The following GALNT17 variants were observed in gnomAD, a reference collection of about 807,000 sequenced individuals.
GALNT17 encodes polypeptide N-acetylgalactosaminyltransferase 17.
Under a neutral mutation model 63.7 loss-of-function variants are expected in GALNT17, and 29 were observed. The ratio of observed to expected loss-of-function variants is 0.46; its 90% CI spans 0.34 to 0.62. The LOEUF is 0.62. Ranked by LOEUF, GALNT17 falls within the 20% of genes least tolerant of loss-of-function variation. GALNT17 has a pLI of 0.01. For missense variants in GALNT17, 603 were observed against 799.6 expected, an observed-to-expected ratio of 0.75 and a Z score of 2.97; for synonymous variants, 305 against 318.3, an observed-to-expected ratio of 0.96 and a Z score of 0.45.
chr7:71,613,384 C>T (rs1463772901), intron 6 of GALNT17, among the ~76,000 whole-genome samples: 2 of 152,108 alleles, frequency 1.3e-5, no homozygotes, highest in Admixed American at 1.3e-4. Flanking sequence ...AGGAATTGAC[C>T]GTTTGTCAGA....
chr7:71,407,409 C>T (rs1346233536), intron 3 of GALNT17, among the ~76,000 whole-genome samples: 1 of 152,086 alleles, frequency 6.6e-6, no homozygotes, highest in Admixed American at 6.6e-5. Context: ...AACCCCCTGG[C>T]CACAGAATAT....
chr7:71,365,161 G>A (rs1037433907), intron 2 of GALNT17, among the ~76,000 whole-genome samples: 2 of 152,158 alleles, frequency 1.3e-5, no homozygotes, highest in Non-Finnish European at 2.9e-5. Flanking sequence ...TCACACTCCT[G>A]ACCTAAAGTG....
intron 5 of GALNT17, among the ~76,000 whole-genome samples, chr7:71,441,454 T>TTTTTTC (rs1193111750): frequency 1.4e-4 from 21 of 152,282 alleles, no homozygotes; most frequent in African/African-American, 5.1e-4. Flanking sequence ...CTCCACAGTT[T>TTTTTTC]TTTTTCTTTT....
chr7:71,713,201 T>A lies in GALNT17; in HGVS notation c.*1055T>A, dbSNP rs927131857. 3 of 152,916 alleles carry A rather than the reference T, an allele frequency of 2.0e-5. No individual in the cohort carries two copies. Among genetic ancestry groups the A allele is most frequent in the Non-Finnish European group, 4.4e-5 (3 of 68,292 alleles). 9.5% of individuals were successfully genotyped at this position (152,916 alleles called of 1,614,324 possible). ...CACAAGTGTGTGTGTGCCTGCGTGC[T>A]GTGCGTGGCAGGGTGTGTGTGTGTG... is the stretch of plus-strand genomic sequence containing the variant. On this transcript the variant is annotated 3_prime_UTR_variant, in exon 11 of 11. Coordinates refer to ENST00000333538, the MANE Select transcript of GALNT17 (RefSeq NM_022479.3).
At chr7:71,149,860 A>G (rs56212584) in intron 1 of GALNT17, among the ~76,000 whole-genome samples, 10,052 of 152,106 alleles carry the variant, frequency 0.066, 425 homozygotes, top group Non-Finnish European at 0.098. Flanking sequence ...TTGTGTTTGT[A>G]TCATGGTGGC....
chr7:71,409,052 ATTTAAATATATC>A (rs1456195507), intron 3 of GALNT17, among the ~76,000 whole-genome samples: 11 of 151,088 alleles, frequency 7.3e-5, no homozygotes, highest in African/African-American at 2.7e-4. Context: ...ACACACACAC[ATTTAAATATATC>A]TATATTTTAA....
At chr7:71,414,580 A>G (rs183700980) in intron 3 of GALNT17, among the ~76,000 whole-genome samples, 4 of 152,172 alleles carry the variant, frequency 2.6e-5, no homozygotes, top group Admixed American at 2.6e-4. Context: ...AAGTCTCGCA[A>G]CTTCTTAACA....
In GALNT17 at chr7:71,652,084, GA is replaced by G. The variant is rs374935532; in HGVS notation, c.1081-13321del. 2.3e-3 allele frequency among the ~76,000 whole-genome samples: 345 copies of G among 152,106 alleles called. 1 individual carries two copies. The highest frequency in any genetic ancestry group is 8.0e-3 in the African/African-American group (334 of 41,536). ...AACAGCAACAAAAATCAAAAGAAAA[GA>G]AAAAAGTCCTCCCAGCCCTACTTCT... On this transcript the variant is annotated intron_variant, in intron 6 of 10. Coordinates refer to ENST00000333538, the MANE Select transcript of GALNT17 (RefSeq NM_022479.3).
At chr7:71,546,828 A>G (rs1788992697) in intron 5 of GALNT17, among the ~76,000 whole-genome samples, 1 of 152,162 alleles carries the variant, frequency 6.6e-6, no homozygotes, top group Non-Finnish European at 1.5e-5. Context: ...CCTGGAAGTC[A>G]TGGTACCACT....
Position 71,172,919 on chromosome 7 carries a change from T to C in GALNT17, c.238+39879T>C, listed in dbSNP as rs186599838. 1.6e-4 allele frequency among the ~76,000 whole-genome samples: 24 copies of C among 152,242 alleles called. No homozygotes were observed. In the East Asian group the frequency reaches 4.4e-3, roughly 28 times the overall value. ...AGAAGAGAGACTGTGGAAGAACTGA[T>C]GACAGGAACAGCAAAACTGAGAGAA... On this transcript the variant is annotated intron_variant, in intron 1 of 10. Coordinates refer to ENST00000333538, the MANE Select transcript of GALNT17 (RefSeq NM_022479.3).
intron 2 of GALNT17, among the ~76,000 whole-genome samples, chr7:71,381,846 C>G (rs1792852748): frequency 1.3e-5 from 2 of 152,144 alleles, no homozygotes; most frequent in South Asian, 4.1e-4. Context: ...TCCTTTGCAG[C>G]TGCATGAATG....
At chr7:71,148,860 T>TTTTA (rs768189844) in intron 1 of GALNT17, among the ~76,000 whole-genome samples, 2 of 103,260 alleles carry the variant, frequency 1.9e-5, no homozygotes, top group African/African-American at 3.9e-5. Context: ...TATGGTATTT[T>TTTTA]TATATATATA....
At chr7:71,388,204 G>T (rs1792983739) in intron 2 of GALNT17, 31 bp from the exon 3 acceptor site, 2 of 1,605,790 alleles carry the variant, frequency 1.2e-6, no homozygotes, top group Admixed American at 3.4e-5. Context: ...TCCTTCCTCT[G>T]ACTCTGCATT....
rs66560650 is a variant in GALNT17 at position 71,143,407 on chromosome 7, C to CAA, written c.238+10384_238+10385dup. On this transcript the variant is annotated intron_variant, in intron 1 of 10. Coordinates refer to ENST00000333538, the MANE Select transcript of GALNT17 (RefSeq NM_022479.3). ...ACTGCACTCCAGAGCGAGACTGTCTCAAAAAAAAAAAAAAAAAAGAAAGAA... is the reference window on the plus strand; with the variant it reads ...ACTGCACTCCAGAGCGAGACTGTCTCAAAAAAAAAAAAAAAAAAAAGAAAGAA... Among the ~76,000 whole-genome samples, 497 of 116,810 alleles carry CAA rather than the reference C, an allele frequency of 4.3e-3. 5 individuals carry two copies. The highest frequency in any genetic ancestry group is 0.019 in the South Asian group (61 of 3,294). 76.6% of individuals were successfully genotyped at this position (116,810 alleles called of 152,430 possible). A position where few individuals can be genotyped will look rare whatever the true frequency, so the allele number is the denominator to read the frequency against.
At chr7:71,294,559 T>G (rs1462099581) in intron 1 of GALNT17, among the ~76,000 whole-genome samples, 1 of 151,764 alleles carries the variant, frequency 6.6e-6, no homozygotes, top group South Asian at 2.1e-4. Flanking sequence ...GGACTACAGG[T>G]GTGCACCACC....
intron 6 of GALNT17, among the ~76,000 whole-genome samples, chr7:71,621,552 TAGA>T (rs1790294301): frequency 9.1e-6 from 1 of 109,454 alleles, no homozygotes; most frequent in African/African-American, 3.4e-5. Context: ...GATTGATGGA[TAGA>T]TGGATGGATG....
chr7:71,347,918 C>T (rs1330717923), intron 2 of GALNT17, among the ~76,000 whole-genome samples: 1 of 152,070 alleles, frequency 6.6e-6, no homozygotes, highest in Non-Finnish European at 1.5e-5. Context: ...TGTGTTTTTC[C>T]TCTTTTCATG....
chr7:71,310,930 T>C (rs767231304), intron 1 of GALNT17, among the ~76,000 whole-genome samples: 85 of 152,194 alleles, frequency 5.6e-4, no homozygotes, highest in Non-Finnish European at 1.1e-3. Flanking sequence ...TAGTTCTCTA[T>C]CACGACACTA....
At chr7:71,193,499 T>C (rs1416407988) in intron 1 of GALNT17, among the ~76,000 whole-genome samples, 3 of 147,260 alleles carry the variant, frequency 2.0e-5, no homozygotes, top group African/African-American at 7.6e-5. Flanking sequence ...CTTTCCCGGC[T>C]TTGACTCGGT....
Sources: allele counts gnomAD v4.1 joint callset (sites outside exome capture counted in the v4.1 genomes callset), GRCh38; gene constraint gnomAD v4.1.1; transcripts MANE v1.5; gene names NCBI Gene and HGNC (gene_info 2026-07-23, HGNC 2026-07-21).